The following ANKFN1 variants were observed in gnomAD, a reference collection of about 807,000 sequenced individuals.
ANKFN1 encodes ankyrin repeat and fibronectin type III domain containing 1.
In ANKFN1, 74 loss-of-function variants were observed where a neutral mutation model predicts 108.7. The ratio of observed to expected loss-of-function variants is 0.68; its 90% CI spans 0.56 to 0.83. The LOEUF (loss-of-function observed/expected upper bound fraction) is 0.83, where lower values mean the gene tolerates loss of function less well. Ranked by LOEUF, ANKFN1 falls within the 40% of genes least tolerant of loss-of-function variation. The pLI is 0.00. For missense variants in ANKFN1, 1,505 were observed against 1,382.3 expected (o/e 1.09, Z -1.41); for synonymous variants, 547 against 516.2 (o/e 1.06, Z -0.81).
In ANKFN1 at chr17:56,188,543, A is replaced by ATGTGTG. The variant is rs1466873294; in HGVS notation, c.-70-24054_-70-24053insGTGTGT. Among the ~76,000 whole-genome samples, 633 of 73,694 alleles carry ATGTGTG rather than the reference A, an allele frequency of 8.6e-3. 41 individuals carry two copies. Among genetic ancestry groups the ATGTGTG allele is most frequent in the Admixed American group, 0.034 (220 of 6,392 alleles). 48.3% of individuals were successfully genotyped at this position (73,694 alleles called of 152,430 possible). A position where few individuals can be genotyped will look rare whatever the true frequency, so the allele number is the denominator to read the frequency against. On this transcript the variant is annotated intron_variant, in intron 1 of 20. Transcript: ENST00000682825. ...ATATATAAGAAATAAAATAAGATGT[A>ATGTGTG]TATGTGTGTGTGTGTGTGTATGTGT...
chr17:56,183,237 A>G (rs909250494), intron 1 of ANKFN1, among the ~76,000 whole-genome samples: 1 of 152,200 alleles, frequency 6.6e-6, no homozygotes, highest in Non-Finnish European at 1.5e-5. Flanking sequence ...TACCATCAAT[A>G]GCGATTCCTA....
At chr17:56,379,990 C>G (rs548226683) in intron 8 of ANKFN1, among the ~76,000 whole-genome samples, 2 of 152,290 alleles carry the variant, frequency 1.3e-5, no homozygotes, top group South Asian at 2.1e-4. Flanking sequence ...CGCGCATTGT[C>G]TCTTACAAAT....
chr17:56,445,234 C>G (rs576391374), intron 10 of ANKFN1, among the ~76,000 whole-genome samples: 1 of 152,112 alleles, frequency 6.6e-6, no homozygotes, highest in Non-Finnish European at 1.5e-5. Context: ...TCTCAGTTGA[C>G]CTGAAAGTGA....
chr17:56,117,655 C>T (rs1478485456), intron 4 of ANKFN1, among the ~76,000 whole-genome samples: 1 of 152,072 alleles, frequency 6.6e-6, no homozygotes, highest in Non-Finnish European at 1.5e-5. Context: ...AAGGAATAGG[C>T]AAAGACAAAT....
chr17:56,166,779 A>G (rs1910164593), intron 1 of ANKFN1, among the ~76,000 whole-genome samples: 1 of 152,124 alleles, frequency 6.6e-6, no homozygotes, highest in Non-Finnish European at 1.5e-5. Flanking sequence ...TTGTTTAGTT[A>G]TAACATTTAT....
intron 4 of ANKFN1, among the ~76,000 whole-genome samples, chr17:56,345,943 T>G (rs1489738906): frequency 3.9e-5 from 6 of 152,154 alleles, no homozygotes; most frequent in Non-Finnish European, 8.8e-5. Context: ...TTTTCATGTT[T>G]TAGTCATGAA....
chr17:56,057,829 C>A (rs999014899), intron 4 of ANKFN1, among the ~76,000 whole-genome samples: 1 of 152,100 alleles, frequency 6.6e-6, no homozygotes, highest in East Asian at 1.9e-4. Flanking sequence ...CCATGGGCTG[C>A]AGAATGGGTG....
chr17:56,397,487 A>G (rs2047621752), intron 8 of ANKFN1, among the ~76,000 whole-genome samples: 1 of 152,220 alleles, frequency 6.6e-6, no homozygotes, highest in South Asian at 2.1e-4. Flanking sequence ...CATTTGGTTT[A>G]GGAAAGTCCA....
chr17:56,367,679 C>A (rs1167290662), intron 6 of ANKFN1, among the ~76,000 whole-genome samples: 2 of 152,016 alleles, frequency 1.3e-5, no homozygotes, highest in Non-Finnish European at 2.9e-5. Flanking sequence ...GGAGAAGGAA[C>A]CAACTGCAAT....
chr17:56,222,494 G>C (rs1915957990), intron 2 of ANKFN1, among the ~76,000 whole-genome samples: 1 of 152,204 alleles, frequency 6.6e-6, no homozygotes, highest in Non-Finnish European at 1.5e-5. Flanking sequence ...AATCAGAACA[G>C]GTGGCTGTCT....
In ANKFN1 at chr17:56,091,418, TCACACACACACACACACACACA is replaced by T. The variant is rs34588908; in HGVS notation, c.288+45116_288+45137del. On this transcript the variant is annotated intron_variant, in intron 4 of 12. Coordinates refer to the ANKFN1 transcript ENST00000635860. ...ATACTTCATTTTTCTTCCAAACAAA[TCACACACACACACACACACACA>T]CACACACACACACACACACACAGAG... Among the ~76,000 whole-genome samples the T allele has an allele frequency of 2.9e-5, 4 of 136,918 alleles. 1 individual carries two copies. Among genetic ancestry groups the T allele is most frequent in the Admixed American group, 7.3e-5 (1 of 13,624 alleles). 89.8% of individuals were successfully genotyped at this position (136,918 alleles called of 152,430 possible).
At chr17:56,217,694 G>C (rs1301394051) in intron 2 of ANKFN1, among the ~76,000 whole-genome samples, 1 of 152,244 alleles carries the variant, frequency 6.6e-6, no homozygotes, top group East Asian at 1.9e-4. Flanking sequence ...TTTTCCCACT[G>C]TTATGAGTAA....
chr17:56,252,800 G>T (rs180719212), intron 3 of ANKFN1, among the ~76,000 whole-genome samples: 1 of 147,792 alleles, frequency 6.8e-6, no homozygotes, highest in Non-Finnish European at 1.5e-5. Flanking sequence ...TGGCTCACAC[G>T]TGTAATCCCA....
intron 1 of ANKFN1, among the ~76,000 whole-genome samples, chr17:56,161,404 A>T (rs1909643902): frequency 6.6e-6 from 1 of 152,114 alleles, no homozygotes; most frequent in Non-Finnish European, 1.5e-5. Context: ...TTCGTATCCC[A>T]CTCTGTATTA....
intron 6 of ANKFN1, chr17:56,367,958 C>T (rs150523757): frequency 3.4e-5 from 7 of 206,072 alleles, no homozygotes; most frequent in East Asian, 2.0e-4. Flanking sequence ...GAAAATCCAC[C>T]GAGTTCTTTA....
chr17:56,443,040 A>G, intron 10 of ANKFN1, 107 bp downstream of exon 10: 1 of 1,027,012 alleles, frequency 9.7e-7, no homozygotes, highest in Non-Finnish European at 1.5e-6. Context: ...GCAACCCATA[A>G]GACCTTCTCA....
chr17:56,055,445 GT>G (rs1904850357), intron 4 of ANKFN1, among the ~76,000 whole-genome samples: 1 of 147,656 alleles, frequency 6.8e-6, no homozygotes, highest in Non-Finnish European at 1.5e-5. Context: ...TTATGTCTGT[GT>G]GTGTGTGTGT....
At chr17:56,507,508 C>A (rs188972009) in intron 20 of ANKFN1, among the ~76,000 whole-genome samples, 1 of 152,116 alleles carries the variant, frequency 6.6e-6, no homozygotes, top group Non-Finnish European at 1.5e-5. Flanking sequence ...CCAATAGTTT[C>A]TTCTTCTCCA....
chr17:56,351,128 G>A (rs904816623), intron 5 of ANKFN1, among the ~76,000 whole-genome samples, 161 bp downstream of exon 5: 4 of 152,040 alleles, frequency 2.6e-5, no homozygotes, highest in African/African-American at 9.7e-5. Flanking sequence ...ACATATTTAT[G>A]TTGTTAGACA....
Sources: gnomAD v4.1 joint callset for allele counts (sites outside exome capture counted in the v4.1 genomes callset) on GRCh38, gnomAD v4.1.1 for gene constraint, MANE v1.5 for transcripts, NCBI Gene and HGNC (gene_info 2026-07-23, HGNC 2026-07-21) for gene names.